PHKB: variants seen among roughly 807,000 people sequenced by gnomAD.
PHKB encodes the protein phosphorylase kinase regulatory subunit beta, also known as phosphorylase b kinase regulatory subunit beta.
In PHKB, 122 loss-of-function variants were observed where a neutral mutation model predicts 152.1. The observed-to-expected ratio is 0.80, with a 90% CI of 0.69 to 0.93. The LOEUF is 0.93. Ranked by LOEUF, PHKB falls within the 40% of genes least tolerant of loss-of-function variation. The probability of loss-of-function intolerance (pLI) is 0.00; values close to 1 mark genes in which losing one functional copy is unlikely to be tolerated. For synonymous variants in PHKB, 436 were observed against 464.9 expected, an observed-to-expected ratio of 0.94 and a Z score of 0.80; for missense variants, 1,304 against 1,328.4, an observed-to-expected ratio of 0.98 and a Z score of 0.29.
chr16:47,485,097 C>T (rs915017832), intron 1 of PHKB, among the ~76,000 whole-genome samples: 6 of 152,124 alleles, frequency 3.9e-5, no homozygotes, highest in Non-Finnish European at 8.8e-5. Context: ...ATTACTTTTC[C>T]ACACTGTATT....
chr16:47,608,233 A>G (rs1345120644), intron 13 of PHKB, among the ~76,000 whole-genome samples: 1 of 152,102 alleles, frequency 6.6e-6, no homozygotes, highest in African/African-American at 2.4e-5. Flanking sequence ...CACTTTTGTT[A>G]TGATGCCATA....
At chr16:47,499,996 C>A in intron 3 of PHKB, 102 bp downstream of exon 3, 1 of 1,310,396 alleles carries the variant, frequency 7.6e-7, no homozygotes, top group Non-Finnish European at 1.1e-6. Context: ...GCTGCTGACT[C>A]ACTGTGCGAC....
intron 5 of PHKB, 126 bp from the exon 6 acceptor site, chr16:47,515,395 G>A: frequency 1.5e-6 from 1 of 684,426 alleles, no homozygotes; most frequent in Non-Finnish European, 2.7e-6. Flanking sequence ...TTTATTCACA[G>A]TAGGAAAGGA....
chr16:47,655,662 C>T (rs547643357), intron 20 of PHKB, among the ~76,000 whole-genome samples: 1 of 152,310 alleles, frequency 6.6e-6, no homozygotes, highest in East Asian at 1.9e-4. Flanking sequence ...CCTGTGTCAT[C>T]TGAAATTGGG....
At chr16:47,464,075 CATT>C (rs1969624452) in intron 1 of PHKB, 4 of 919,730 alleles carry the variant, frequency 4.3e-6, no homozygotes, top group Non-Finnish European at 7.3e-6. Flanking sequence ...TATAAGATAT[CATT>C]ATGTCTTTAT....
intron 1 of PHKB, among the ~76,000 whole-genome samples, chr16:47,468,580 G>T (rs1163527775): frequency 1.3e-5 from 2 of 152,238 alleles, no homozygotes; most frequent in Non-Finnish European, 2.9e-5. Context: ...TTGAACCCAG[G>T]AGGTGGAGGT....
chr16:47,461,480 C>G, intron 1 of PHKB, 54 bp downstream of exon 1: 1 of 1,578,146 alleles, frequency 6.3e-7, no homozygotes, highest in South Asian at 1.1e-5. Flanking sequence ...TGGTGCTTCG[C>G]CTCAAGCGCC....
At chr16:47,681,868 A>G (rs1341704849) in intron 26 of PHKB, among the ~76,000 whole-genome samples, 1 of 152,092 alleles carries the variant, frequency 6.6e-6, no homozygotes, top group Non-Finnish European at 1.5e-5. Flanking sequence ...CCTTGCCTTG[A>G]TGGTCTTTAC....
At chr16:47,512,071 T>C (rs553161328) in intron 5 of PHKB, among the ~76,000 whole-genome samples, 1 of 152,328 alleles carries the variant, frequency 6.6e-6, no homozygotes, top group Non-Finnish European at 1.5e-5. Flanking sequence ...TAATGCTTGC[T>C]CACTGCTGCT....
chr16:47,685,324 C>G (rs1023122701), intron 26 of PHKB, among the ~76,000 whole-genome samples: 3 of 152,188 alleles, frequency 2.0e-5, no homozygotes, highest in Non-Finnish European at 4.4e-5. Context: ...ACTCAGGAGA[C>G]TTAGGCAGGA....
chr16:47,500,773 G>A (rs1970312198), intron 3 of PHKB, among the ~76,000 whole-genome samples: 1 of 151,738 alleles, frequency 6.6e-6, no homozygotes, highest in Admixed American at 6.6e-5. Context: ...AGAAAGCACT[G>A]AATGTGGATG....
In PHKB at chr16:47,641,631, A is replaced by C; in HGVS notation, c.1547A>C (p.Gln516Pro). Residue 516 changes from glutamine (Q) to proline (P), a missense_variant, in exon 16 of 31, where the codon CAA becomes CCA. Transcript: ENST00000323584. ...GTTTTTCTGAACACATATGGTATTCAAACTCAAACTCCTCAACAAGTAGAA... is the reference window on the plus strand; with the variant it reads ...GTTTTTCTGAACACATATGGTATTCCAACTCAAACTCCTCAACAAGTAGAA... ...LQVFLNTYGI[Q>P]TQTPQQVEPI... 3 of 1,605,040 alleles carry C rather than the reference A, an allele frequency of 1.9e-6. No homozygotes were observed. Among genetic ancestry groups the C allele is most frequent in the Non-Finnish European group, 2.6e-6 (3 of 1,171,684 alleles).
At chr16:47,500,739 T>G (rs936144566) in intron 3 of PHKB, among the ~76,000 whole-genome samples, 1 of 152,216 alleles carries the variant, frequency 6.6e-6, no homozygotes, top group East Asian at 1.9e-4. Flanking sequence ...ACAAAATTTC[T>G]CCTTTATTTA....
intron 7 of PHKB, among the ~76,000 whole-genome samples, chr16:47,563,342 C>G (rs1162847026): frequency 6.6e-6 from 1 of 151,754 alleles, no homozygotes; most frequent in Non-Finnish European, 1.5e-5. Flanking sequence ...AATAATAAAA[C>G]TTGAAAGTAA....
intron 7 of PHKB, chr16:47,566,614 G>A: frequency 1.5e-6 from 2 of 1,317,820 alleles, no homozygotes; most frequent in Middle Eastern, 2.6e-4. Context: ...GCAATGTAGG[G>A]TGACAATTTG....
intron 6 of PHKB, among the ~76,000 whole-genome samples, chr16:47,523,657 C>A (rs1332248696): frequency 6.6e-6 from 1 of 152,182 alleles, no homozygotes; most frequent in Non-Finnish European, 1.5e-5. Flanking sequence ...TTCTGACTTT[C>A]CAGGAATATG....
At chr16:47,550,080 C>T (rs1277722934) in intron 7 of PHKB, among the ~76,000 whole-genome samples, 1 of 152,102 alleles carries the variant, frequency 6.6e-6, no homozygotes, top group Non-Finnish European at 1.5e-5. Flanking sequence ...GAACTTTAAC[C>T]TTAATTTTTT....
chr16:47,645,426 A>G (rs112253802), intron 16 of PHKB, among the ~76,000 whole-genome samples: 1,982 of 109,304 alleles, frequency 0.018, 28 homozygotes, highest in South Asian at 0.031. Context: ...TCAGCTTTCT[A>G]CATATGGCTA....
intron 14 of PHKB, among the ~76,000 whole-genome samples, chr16:47,637,126 G>T (rs1972935489): frequency 1.3e-5 from 2 of 152,110 alleles, no homozygotes; most frequent in African/African-American, 4.8e-5. Flanking sequence ...CCCACTGCGG[G>T]TCTCCTCTCA....
Sources: allele counts gnomAD v4.1 joint callset (sites outside exome capture counted in the v4.1 genomes callset), GRCh38; gene constraint gnomAD v4.1.1; transcripts MANE v1.5; gene names NCBI Gene and HGNC (gene_info 2026-07-23, HGNC 2026-07-21).